The following EPB41L4A variants were observed in gnomAD, a reference collection of about 807,000 sequenced individuals.
The protein encoded by EPB41L4A is band 4.1-like protein 4A.
EPB41L4A carries 100 observed loss-of-function variants against 108.6 expected under a neutral mutation model. That is an observed-to-expected ratio of 0.92 (90% CI 0.78 to 1.09). The LOEUF (loss-of-function observed/expected upper bound fraction) is 1.09, where lower values mean the gene tolerates loss of function less well. EPB41L4A is among the 50% of genes least tolerant of loss of function. The pLI, the probability that EPB41L4A is intolerant of heterozygous loss-of-function variation, is 0.00. For synonymous variants in EPB41L4A, 319 were observed against 289.0 expected, an observed-to-expected ratio of 1.10 and a Z score of -1.05; for missense variants, 1,030 against 842.7, an observed-to-expected ratio of 1.22 and a Z score of -2.75.
intron 2 of EPB41L4A, among the ~76,000 whole-genome samples, chr5:112,281,013 T>A (rs1029316608): frequency 3.3e-5 from 5 of 152,296 alleles, no homozygotes; most frequent in African/African-American, 1.2e-4. Flanking sequence ...AGGGCCTGAA[T>A]CCCAGGGCAG....
At position 112,317,975 on chromosome 5, in the gene EPB41L4A, A is replaced by G. The variant is rs749246202; in HGVS notation, c.100-10485T>C. On this transcript the variant is annotated intron_variant, in intron 1 of 22. Transcript: ENST00000261486. ...GCTTGAGAATTACTCTACTATACTA[A>G]AAAACAAAGGAATGTCCTTGATGAC... Among the ~76,000 whole-genome samples, 5 of 152,240 alleles carry G rather than the reference A, an allele frequency of 3.3e-5. No homozygotes were observed. In the East Asian group the frequency reaches 9.7e-4, roughly 29 times the overall value.
rs1237044456 is a variant in EPB41L4A, at chr5:112,252,164, A to G, written c.795+7065T>C. Among the ~76,000 whole-genome samples the G allele has an allele frequency of 2.0e-5, 3 of 152,232 alleles. No individual in the cohort carries two copies. The East Asian group carries it at 5.8e-4, about 29-fold the overall frequency. ...TGTGGCTATGGACAGAACTGGAAGTATGCTGTGAACTCCTGATTTCTAAGC... is the reference window on the plus strand; with the variant it reads ...TGTGGCTATGGACAGAACTGGAAGTGTGCTGTGAACTCCTGATTTCTAAGC... On this transcript the variant is annotated intron_variant, in intron 9 of 22. Coordinates refer to ENST00000261486, the MANE Select transcript of EPB41L4A (RefSeq NM_022140.5).
chr5:112,328,257 C>T (rs1295773202), intron 1 of EPB41L4A, among the ~76,000 whole-genome samples: 1 of 151,922 alleles, frequency 6.6e-6, no homozygotes, highest in Admixed American at 6.6e-5. Context: ...TACAGTAGGC[C>T]AAGATTGTGC....
chr5:112,396,510 A>G (rs1343821645), intron 1 of EPB41L4A, among the ~76,000 whole-genome samples: 1 of 152,248 alleles, frequency 6.6e-6, no homozygotes, highest in Non-Finnish European at 1.5e-5. Context: ...AGCATCCAAG[A>G]GTCAGAACTC....
intron 12 of EPB41L4A, among the ~76,000 whole-genome samples, chr5:112,146,470 C>CTTGGAAGTTT (rs1759263004): frequency 6.6e-6 from 1 of 152,196 alleles, no homozygotes; most frequent in Non-Finnish European, 1.5e-5. Flanking sequence ...GTTTGCGCTC[C>CTTGGAAGTTT]CCAAAGACTC....
intron 1 of EPB41L4A, among the ~76,000 whole-genome samples, chr5:112,386,209 T>C (rs1760516104): frequency 6.6e-6 from 1 of 152,274 alleles, no homozygotes; most frequent in East Asian, 1.9e-4. Context: ...ATCCTGGAAA[T>C]GTACAGTGAA....
chr5:112,251,982 A>C (rs1008011614), intron 9 of EPB41L4A, among the ~76,000 whole-genome samples: 1 of 152,200 alleles, frequency 6.6e-6, no homozygotes, highest in African/African-American at 2.4e-5. Flanking sequence ...ACAATTGTCC[A>C]CTTTAGTGGT....
chr5:112,249,623 T>C (rs2150406001), intron 9 of EPB41L4A: 1 of 152,286 alleles, frequency 6.6e-6, no homozygotes, highest in East Asian at 1.9e-4. Flanking sequence ...ACCTGGCTAA[T>C]GAATTTAGGG....
chr5:112,219,436 A>C (rs1747883898), intron 12 of EPB41L4A, among the ~76,000 whole-genome samples: 2 of 152,142 alleles, frequency 1.3e-5, no homozygotes, highest in African/African-American at 4.8e-5. Context: ...GAGTCTTTTA[A>C]ACCTCTTTTC....
chr5:112,331,850 A>AAG (rs1450856958), intron 1 of EPB41L4A, among the ~76,000 whole-genome samples: 2 of 152,200 alleles, frequency 1.3e-5, no homozygotes, highest in Non-Finnish European at 2.9e-5. Context: ...TGGCCCCCAC[A>AAG]AGGTGCCTGC....
chr5:112,392,787 T>C (rs1561637475), intron 1 of EPB41L4A: 1 of 151,992 alleles, frequency 6.6e-6, no homozygotes, highest in Non-Finnish European at 1.5e-5. Context: ...CAGAATATAG[T>C]TTCTTCTCAG....
At chr5:112,325,424 C>G (rs974704049) in intron 1 of EPB41L4A, among the ~76,000 whole-genome samples, 8 of 147,766 alleles carry the variant, frequency 5.4e-5, no homozygotes, top group Non-Finnish European at 1.2e-4. Context: ...CTGGGTGACA[C>G]TGCGAGACTC....
At chr5:112,265,302 ATGT>A (rs1751770864) in intron 5 of EPB41L4A, among the ~76,000 whole-genome samples, 1 of 152,352 alleles carries the variant, frequency 6.6e-6, no homozygotes, top group East Asian at 1.9e-4. Flanking sequence ...GTGAAGTAAA[ATGT>A]TGTAAACAGC....
chr5:112,399,054 G>A (rs749909423), intron 1 of EPB41L4A, among the ~76,000 whole-genome samples: 76 of 152,046 alleles, frequency 5.0e-4, no homozygotes, highest in African/African-American at 1.6e-3. Context: ...CGTGCGGAGC[G>A]GTGAATCCAT....
At chr5:112,228,711 A>G in intron 12 of EPB41L4A, 1 of 985,428 alleles carries the variant, frequency 1.0e-6, no homozygotes, top group Non-Finnish European at 1.2e-6. Flanking sequence ...CAACTGTGTG[A>G]GTTGCCAAGA....
chr5:112,323,825 T>A (rs755507566), intron 1 of EPB41L4A, among the ~76,000 whole-genome samples: 31 of 152,116 alleles, frequency 2.0e-4, no homozygotes, highest in Non-Finnish European at 4.6e-4. Flanking sequence ...GGAAACTATA[T>A]AGTCAAACAA....
chr5:112,202,891 G>A (rs2150292432), intron 15 of EPB41L4A, among the ~76,000 whole-genome samples: 1 of 152,192 alleles, frequency 6.6e-6, no homozygotes, highest in South Asian at 2.1e-4. Flanking sequence ...ATCATGAACT[G>A]AAACTTCTTG....
chr5:112,246,030 T>A (rs887376198), intron 9 of EPB41L4A, among the ~76,000 whole-genome samples: 2 of 152,054 alleles, frequency 1.3e-5, no homozygotes, highest in Admixed American at 6.6e-5. Flanking sequence ...GAAAAGTCAA[T>A]GAATTCAGAA....
At chr5:112,259,749 G>A (rs1751361607) in intron 8 of EPB41L4A, 142 bp downstream of exon 8, 1 of 655,482 alleles carries the variant, frequency 1.5e-6, no homozygotes, top group South Asian at 1.9e-5. Context: ...TGCAACAGGA[G>A]AAAACTCACA....
Sources: gnomAD v4.1 joint callset for allele counts (sites outside exome capture counted in the v4.1 genomes callset) on GRCh38, gnomAD v4.1.1 for gene constraint, MANE v1.5 for transcripts, NCBI Gene and HGNC (gene_info 2026-07-23, HGNC 2026-07-21) for gene names.